Variants in TMX4 observed in about 807,000 individuals in gnomAD.
TMX4 encodes thioredoxin related transmembrane protein 4, also known as thioredoxin-related transmembrane protein 4.
Under a neutral mutation model 33.3 loss-of-function variants are expected in TMX4, and 23 were observed. That is an observed-to-expected ratio of 0.69 (90% CI 0.50 to 0.98). The LOEUF is 0.98. Among genes scored for constraint, TMX4 ranks in the 50% least tolerant of loss-of-function variants. TMX4 has a pLI of 0.00. For synonymous variants in TMX4, 164 were observed against 161.5 expected, an observed-to-expected ratio of 1.02 and a Z score of -0.12; for missense variants, 399 against 448.9, an observed-to-expected ratio of 0.89 and a Z score of 1.01.
intron 6 of TMX4, 38 bp downstream of exon 6, chr20:7,987,250 T>G: frequency 7.5e-7 from 1 of 1,326,516 alleles, no homozygotes; most frequent in Non-Finnish European, 1.0e-6. Flanking sequence ...AAATTCATTT[T>G]GCCTTAAAGA....
At chr20:8,007,560 A>G (rs911270060) in intron 2 of TMX4, among the ~76,000 whole-genome samples, 2 of 151,944 alleles carry the variant, frequency 1.3e-5, no homozygotes, top group African/African-American at 4.8e-5. Flanking sequence ...GAAAATCTAA[A>G]CTCCTTGTCA....
intron 5 of TMX4, among the ~76,000 whole-genome samples, chr20:7,990,984 G>A (rs1473754237): frequency 1.3e-5 from 2 of 151,982 alleles, no homozygotes; most frequent in African/African-American, 2.4e-5. Context: ...ATTTTTATAC[G>A]AAAAAAACAT....
intron 5 of TMX4, among the ~76,000 whole-genome samples, chr20:7,991,047 TAC>T (rs2050652389): frequency 6.6e-6 from 1 of 152,228 alleles, no homozygotes. Flanking sequence ...AGTTTTAAAA[TAC>T]ACTTTGTTCT....
intron 5 of TMX4, 71 bp downstream of exon 5, chr20:7,995,955 T>A: frequency 8.1e-7 from 1 of 1,241,712 alleles, no homozygotes; most frequent in Admixed American, 2.2e-5. Context: ...TTTGTTTTCC[T>A]ATTGCTTAAA....
At chr20:7,985,727 T>G (rs2050628524) in intron 6 of TMX4, among the ~76,000 whole-genome samples, 2 of 152,228 alleles carry the variant, frequency 1.3e-5, no homozygotes, top group South Asian at 4.1e-4. Context: ...AAAGTTATTT[T>G]CTTATTAAGG....
intron 2 of TMX4, among the ~76,000 whole-genome samples, chr20:8,002,997 T>G (rs1290527050): frequency 1.3e-5 from 2 of 152,130 alleles, no homozygotes; most frequent in Non-Finnish European, 2.9e-5. Context: ...CAAAAATAGG[T>G]CAACTGAGGA....
At chr20:8,014,408 G>C (rs537637563) in intron 1 of TMX4, among the ~76,000 whole-genome samples, 1 of 152,286 alleles carries the variant, frequency 6.6e-6, no homozygotes, top group East Asian at 1.9e-4. Flanking sequence ...AGAAGTGCCT[G>C]ATAAAAGAGC....
chr20:8,011,934 G>A (rs1172724192), intron 1 of TMX4, among the ~76,000 whole-genome samples: 1 of 151,908 alleles, frequency 6.6e-6, no homozygotes, highest in Non-Finnish European at 1.5e-5. Flanking sequence ...TATTTCCAAG[G>A]CAAAGTACAT....
At chr20:8,000,280 C>G (rs1011697484) in intron 3 of TMX4, among the ~76,000 whole-genome samples, 1 of 152,128 alleles carries the variant, frequency 6.6e-6, no homozygotes, top group African/African-American at 2.4e-5. Flanking sequence ...CGTCATACCC[C>G]CCTTCAACCT....
chr20:8,006,760 C>CT (rs3030970), intron 2 of TMX4, among the ~76,000 whole-genome samples: 61,512 of 139,414 alleles, frequency 0.44, 16,996 homozygotes, highest in East Asian at 0.9. Flanking sequence ...ACTTCTTCTT[C>CT]TTTTTTTTTT....
chr20:7,991,213 A>G (rs1318901112), intron 5 of TMX4, among the ~76,000 whole-genome samples: 1 of 152,220 alleles, frequency 6.6e-6, no homozygotes, highest in African/African-American at 2.4e-5. Flanking sequence ...TATTTTAGCT[A>G]AAATCTGCCA....
chr20:8,007,372 G>A (rs1001205652), intron 2 of TMX4, among the ~76,000 whole-genome samples: 8 of 152,074 alleles, frequency 5.3e-5, no homozygotes, highest in Admixed American at 2.0e-4. Flanking sequence ...ACTAGTCCAA[G>A]CCACCATCTT....
chr20:8,004,666 A>C (rs2071160802), intron 2 of TMX4, among the ~76,000 whole-genome samples: 13 of 152,210 alleles, frequency 8.5e-5, no homozygotes, highest in Non-Finnish European at 2.9e-5. Flanking sequence ...GAAAGAAAAA[A>C]ATTATGGAAG....
chr20:7,983,715 C>A, intron 7 of TMX4, 79 bp downstream of exon 7: 3 of 1,112,092 alleles, frequency 2.7e-6, no homozygotes, highest in African/African-American at 1.6e-5. Flanking sequence ...CAGAGAAAAC[C>A]CACTATCTAT....
chr20:7,996,156 T>C, intron 4 of TMX4, 85 bp from the exon 5 acceptor site: 1 of 1,058,586 alleles, frequency 9.4e-7, no homozygotes, highest in Non-Finnish European at 1.4e-6. Flanking sequence ...CTGGTCTATT[T>C]CCCTCCACTT....
At chr20:8,001,750 G>T (rs1250492853) in intron 2 of TMX4, among the ~76,000 whole-genome samples, 1 of 152,120 alleles carries the variant, frequency 6.6e-6, no homozygotes, top group East Asian at 1.9e-4. Context: ...CACTTGGATT[G>T]TAAGGAGGCT....
At chr20:8,019,040 C>T (rs2050797589) in intron 1 of TMX4, 1 of 451,198 alleles carries the variant, frequency 2.2e-6, no homozygotes, top group African/African-American at 2.0e-5. Context: ...ATATCTGTAT[C>T]TAAAAGCACA....
chr20:8,012,294 T>C (rs2050756121), intron 1 of TMX4, among the ~76,000 whole-genome samples: 1 of 152,136 alleles, frequency 6.6e-6, no homozygotes, highest in Non-Finnish European at 1.5e-5. Context: ...TACCTTAGGT[T>C]ACTGAGAGAT....
intron 2 of TMX4, among the ~76,000 whole-genome samples, chr20:8,007,591 G>A (rs918785597): frequency 6.6e-6 from 1 of 152,228 alleles, no homozygotes; most frequent in Admixed American, 6.5e-5. Flanking sequence ...GACCTCACAG[G>A]GTGTGGTCCC....
Sources: allele counts gnomAD v4.1 joint callset (sites outside exome capture counted in the v4.1 genomes callset), GRCh38; gene constraint gnomAD v4.1.1; transcripts MANE v1.5; gene names NCBI Gene and HGNC (gene_info 2026-07-23, HGNC 2026-07-21).